Variants in SOX5 observed in about 807,000 individuals in gnomAD.
SOX5 encodes transcription factor SOX-5.
In SOX5, 9 loss-of-function variants were observed where a neutral mutation model predicts 92.0. The observed-to-expected ratio is 0.10, with a 90% CI of 0.06 to 0.17. The LOEUF is 0.17. SOX5 is among the 10% of genes least tolerant of loss of function. The pLI is 1.00. For synonymous variants in SOX5, 344 were observed against 336.3 expected (o/e 1.02, Z -0.25); for missense variants, 642 against 944.5 (o/e 0.68, Z 4.20).
intron 6 of SOX5, among the ~76,000 whole-genome samples, chr12:23,723,594 ACACACGCACT>A (rs1182167645): frequency 6.6e-6 from 1 of 150,544 alleles, no homozygotes; most frequent in Non-Finnish European, 1.5e-5. Context: ...ACACACACAC[ACACACGCACT>A]CACACACACA....
chr12:24,093,514 C>T (rs1212193281), intron 4 of SOX5, among the ~76,000 whole-genome samples: 1 of 149,492 alleles, frequency 6.7e-6, no homozygotes, highest in Admixed American at 6.6e-5. Context: ...CAGGGCAAGA[C>T]TCCGTCTCAA....
chr12:24,414,707 C>T (rs951227467), intron 1 of SOX5, among the ~76,000 whole-genome samples: 1 of 152,302 alleles, frequency 6.6e-6, no homozygotes, highest in Middle Eastern at 3.4e-3. Context: ...AAAAACTAAG[C>T]TCGACAGCTG....
chr12:24,410,548 G>T (rs1963888715), intron 1 of SOX5, among the ~76,000 whole-genome samples: 1 of 152,164 alleles, frequency 6.6e-6, no homozygotes, highest in African/African-American at 2.4e-5. Flanking sequence ...ATCACTCCAA[G>T]AATGAACTGT....
intron 3 of SOX5, among the ~76,000 whole-genome samples, chr12:23,810,806 C>T (rs1011051422): frequency 6.6e-6 from 1 of 152,100 alleles, no homozygotes; most frequent in African/African-American, 2.4e-5. Flanking sequence ...GGATAAAGAT[C>T]ACTACATTTC....
intron 9 of SOX5, among the ~76,000 whole-genome samples, chr12:23,579,513 T>C (rs976024273): frequency 6.6e-6 from 1 of 152,174 alleles, no homozygotes; most frequent in Non-Finnish European, 1.5e-5. Context: ...CTATTATTTA[T>C]GAAGAATACA....
At chr12:24,465,761 G>A (rs899739866) in intron 1 of SOX5, among the ~76,000 whole-genome samples, 6 of 152,160 alleles carry the variant, frequency 3.9e-5, no homozygotes, top group Admixed American at 1.3e-4. Flanking sequence ...GTGGTAAATG[G>A]CACTCAAACT....
chr12:23,908,406 C>T (rs1188391951), intron 1 of SOX5, among the ~76,000 whole-genome samples: 2 of 151,984 alleles, frequency 1.3e-5, no homozygotes, highest in South Asian at 2.1e-4. Context: ...CCAAATAACC[C>T]TGACAAGGAA....
At chr12:24,205,252 A>G (rs1486570673) in intron 4 of SOX5, among the ~76,000 whole-genome samples, 1 of 152,184 alleles carries the variant, frequency 6.6e-6, no homozygotes, top group Non-Finnish European at 1.5e-5. Flanking sequence ...ATTACTCAAT[A>G]TACTTATCCC....
chr12:24,562,462 CTGTGTG>C (rs1011073484), exon 1 of SOX5: 2 of 151,968 alleles, frequency 1.3e-5, no homozygotes, highest in African/African-American at 4.9e-5. Flanking sequence ...GTGTGTGTGT[CTGTGTG>C]TGTGCGTGTG....
chr12:23,566,076 A>G (rs189165209), intron 10 of SOX5, among the ~76,000 whole-genome samples: 1 of 152,144 alleles, frequency 6.6e-6, no homozygotes, highest in African/African-American at 2.4e-5. Context: ...AATCAAGGCA[A>G]ATCTCCTAAT....
chr12:24,033,748 CAAAT>C (rs1955739812), intron 4 of SOX5, among the ~76,000 whole-genome samples: 1 of 152,012 alleles, frequency 6.6e-6, no homozygotes, highest in African/African-American at 2.4e-5. Context: ...GTAGGTAGAA[CAAAT>C]AAAATATTTA....
At chr12:23,960,267 C>T (rs12581627) in intron 4 of SOX5, among the ~76,000 whole-genome samples, 12,094 of 151,842 alleles carry the variant, frequency 0.08, 1,006 homozygotes, top group East Asian at 0.36. Context: ...ACAGCAAAAG[C>T]TTACACACAC....
At chr12:23,566,864 C>T (rs986345838) in intron 10 of SOX5, among the ~76,000 whole-genome samples, 4 of 152,100 alleles carry the variant, frequency 2.6e-5, no homozygotes, top group Non-Finnish European at 4.4e-5. Context: ...CTGGGATTTC[C>T]AGTTCTTGGT....
At chr12:23,624,362 T>C (rs2138193545) in intron 8 of SOX5, among the ~76,000 whole-genome samples, 1 of 152,294 alleles carries the variant, frequency 6.6e-6, no homozygotes, top group African/African-American at 2.4e-5. Context: ...TATTTTACCA[T>C]GATAAAAAGA....
intron 1 of SOX5, among the ~76,000 whole-genome samples, chr12:24,509,809 G>A (rs1055386819): frequency 3.9e-5 from 6 of 152,060 alleles, no homozygotes; most frequent in East Asian, 1.9e-4. Context: ...CCAGCGAATC[G>A]GTTGCTTACT....
chr12:23,641,033 G>C (rs930600493), intron 7 of SOX5, 136 bp from the exon 8 acceptor site: 1 of 569,954 alleles, frequency 1.8e-6, no homozygotes, highest in Non-Finnish European at 3.0e-6. Context: ...CTATTGTGCA[G>C]CCTTTTACTA....
chr12:24,497,986 G>C (rs1357113942), intron 1 of SOX5, among the ~76,000 whole-genome samples: 1 of 152,074 alleles, frequency 6.6e-6, no homozygotes, highest in South Asian at 2.1e-4. Flanking sequence ...CTATAGATGG[G>C]GGCTGAATGA....
chr12:23,773,777 C>A (rs1202386908), intron 3 of SOX5, among the ~76,000 whole-genome samples: 1 of 151,446 alleles, frequency 6.6e-6, no homozygotes, highest in Admixed American at 6.6e-5. Flanking sequence ...AGACACCAGT[C>A]AAAAAAATCA....
At chr12:24,342,377 C>A (rs1280698542) in intron 2 of SOX5, among the ~76,000 whole-genome samples, 3 of 152,142 alleles carry the variant, frequency 2.0e-5, no homozygotes, top group South Asian at 4.1e-4. Context: ...AACTAATATA[C>A]CTTCATTATC....
Sources: gnomAD v4.1 joint callset for allele counts (sites outside exome capture counted in the v4.1 genomes callset) on GRCh38, gnomAD v4.1.1 for gene constraint, MANE v1.5 for transcripts, NCBI Gene and HGNC (gene_info 2026-07-23, HGNC 2026-07-21) for gene names.